The following EXTL3 variants were observed in gnomAD, a reference collection of about 807,000 sequenced individuals.
EXTL3 encodes the protein exostosin like glycosyltransferase 3, also known as exostosin-like 3.
A neutral mutation model predicts 69.3 loss-of-function variants in EXTL3; 27 were observed. The observed-to-expected ratio is 0.39, with a 90% CI of 0.29 to 0.54. The LOEUF (loss-of-function observed/expected upper bound fraction) is 0.54. EXTL3 is among the 20% of genes least tolerant of loss of function. EXTL3 has a pLI of 0.69. For synonymous variants in EXTL3, 511 were observed against 499.4 expected (o/e 1.02, Z -0.31); for missense variants, 1,003 against 1,231.8 (o/e 0.81, Z 2.78).
Position 28,717,276 on chromosome 8 carries a change from C to G in EXTL3, c.1217C>G (p.Pro406Arg). 6.2e-7 allele frequency: 1 copy of G among 1,614,214 alleles called. No homozygotes were observed. Among genetic ancestry groups the G allele is most frequent in the Non-Finnish European group, 8.5e-7 (1 of 1,180,034 alleles). ...TTCACCTGCAAAAACCAGCCCAAACCCAGCCTGCCGACTGAGTGGGCACTG... is the reference window on the plus strand; with the variant it reads ...TTCACCTGCAAAAACCAGCCCAAACGCAGCCTGCCGACTGAGTGGGCACTG... ...VEFTCKNQPK[P>R]SLPTEWALCG... Residue 406 changes from proline to arginine, a missense_variant, in exon 3 of 7, where the codon CCC (proline) becomes CGC (arginine). Transcript: ENST00000220562. The surrounding 1 kb of genome is among the most constrained non-coding windows in gnomAD (Gnocchi z 8.3).
intron 1 of EXTL3, among the ~76,000 whole-genome samples, chr8:28,633,841 A>C (rs923855366): frequency 3.3e-5 from 5 of 152,120 alleles, no homozygotes; most frequent in Non-Finnish European, 5.9e-5. Context: ...CATGTTTACT[A>C]TGTGGCCCTT....
In EXTL3 at chr8:28,751,019, C is replaced by A; in HGVS notation, c.*153C>A. Reference sequence around the variant, plus strand: ...CAGGAGGAGTGGAAGGAAACCGCTGCCTTTATCTTGAAGTCAGCCACACTG... The same window carrying A: ...CAGGAGGAGTGGAAGGAAACCGCTGACTTTATCTTGAAGTCAGCCACACTG... On this transcript the variant is annotated 3_prime_UTR_variant, in exon 7 of 7. Transcript: ENST00000220562. The A allele has an allele frequency of 1.5e-6, 1 of 679,010 alleles. No individual in the cohort carries two copies. The highest frequency in any genetic ancestry group is 2.5e-6 in the Non-Finnish European group (1 of 397,224). 42.1% of individuals were successfully genotyped at this position (679,010 alleles called of 1,614,324 possible).
chr8:28,609,789 T>G (rs992234214), intron 2 of EXTL3, among the ~76,000 whole-genome samples: 2 of 150,082 alleles, frequency 1.3e-5, no homozygotes, highest in Admixed American at 6.7e-5. Context: ...ACTTGGAAGG[T>G]TGAGGTGGGA....
At chr8:28,614,148 G>A (rs1806303127) in intron 2 of EXTL3, among the ~76,000 whole-genome samples, 1 of 151,610 alleles carries the variant, frequency 6.6e-6, no homozygotes, top group Non-Finnish European at 1.5e-5. Context: ...CAATTTTATT[G>A]ATACTTTCAA....
chr8:28,621,930 G>A (rs573860418), upstream of EXTL3, among the ~76,000 whole-genome samples: 10 of 152,112 alleles, frequency 6.6e-5, no homozygotes, highest in Non-Finnish European at 1.5e-4. Flanking sequence ...TTTAAATAGC[G>A]ACTTACTAGT....
At position 28,691,346 on chromosome 8, in the gene EXTL3, G is replaced by A. The variant is rs148523067; in HGVS notation, c.-52-22111G>A. Among the ~76,000 whole-genome samples, 386 of 152,244 alleles carry A rather than the reference G, an allele frequency of 2.5e-3. 1 individual carries two copies. The highest frequency in any genetic ancestry group is 8.5e-3 in the African/African-American group (355 of 41,528). On this transcript the variant is annotated intron_variant, in intron 1 of 6. Transcript: ENST00000523149. The stretch of plus-strand genomic sequence containing the variant: ...GTGGACTGATGAAAACTTCATCCTA[G>A]CTTGGTCAATAAACTGTTATTCAGG...
chr8:28,685,062 C>T (rs991833230), intron 1 of EXTL3, among the ~76,000 whole-genome samples: 96 of 137,462 alleles, frequency 7.0e-4, no homozygotes, highest in Non-Finnish European at 1.1e-4. Context: ...AGCGATTCTC[C>T]TGCCTCAGCC....
intron 1 of EXTL3, among the ~76,000 whole-genome samples, chr8:28,627,391 G>A (rs763977371): frequency 1.3e-5 from 2 of 151,608 alleles, no homozygotes; most frequent in Non-Finnish European, 2.9e-5. Flanking sequence ...ACTAGTTGGG[G>A]CTGAGCTAGG....
At position 28,716,599 on chromosome 8, in the gene EXTL3, C is replaced by T. The variant is rs765913664; in HGVS notation, c.540C>T (p.His180=). The T allele has an allele frequency of 6.2e-7, 1 of 1,614,244 alleles. No individual in the cohort carries two copies. ...PPKATRGCRL[H]NCFDYSRCPL... ...AGGCCACTCGGGGCTGCCGGCTACA[C>T]AACTGCTTTGATTATTCTCGTTGCC... Residue 180 remains histidine, a synonymous_variant, in exon 3 of 7, where the codon CAC becomes CAT. Transcript: ENST00000220562. This position sits in a 1 kb window ranked among gnomAD's most constrained non-coding sequence, Gnocchi z 7.1.
intron 1 of EXTL3, among the ~76,000 whole-genome samples, chr8:28,668,642 T>A (rs1807237114): frequency 6.6e-6 from 1 of 151,826 alleles, no homozygotes; most frequent in African/African-American, 2.4e-5. Flanking sequence ...TAGCCCAGAG[T>A]TGTTAACTAT....
chr8:28,746,643 A>G (rs569840585), intron 6 of EXTL3, among the ~76,000 whole-genome samples: 1 of 152,174 alleles, frequency 6.6e-6, no homozygotes, highest in African/African-American at 2.4e-5. Flanking sequence ...ACAGTTATAT[A>G]TTTACAAATA....
chr8:28,659,139 G>A (rs1402203709), intron 1 of EXTL3, among the ~76,000 whole-genome samples: 2 of 152,198 alleles, frequency 1.3e-5, no homozygotes, highest in Non-Finnish European at 2.9e-5. Context: ...TCCATGGGGT[G>A]CTGTGCCAAT....
At position 28,717,212 on chromosome 8, in the gene EXTL3, G is replaced by A; in HGVS notation, c.1153G>A (p.Ala385Thr). ...YDDRIIATLK[A>T]VQDSKLDQVL... is the part of the protein sequence containing the mutation. ...TGACCGGATCATTGCCACCCTGAAG[G>A]CGGTGCAGGACAGCAAGCTGGATCA... is the stretch of plus-strand genomic sequence containing the variant. The change falls in exon 3 of 7, where the codon GCG becomes ACG. Residue 385 changes from alanine to threonine, a missense_variant. Ala to Thr is a moderately conservative substitution (Grantham distance 58). Coordinates refer to ENST00000220562, the MANE Select transcript of EXTL3 (RefSeq NM_001440.4). The surrounding 1 kb of genome is among the most constrained non-coding windows in gnomAD (Gnocchi z 8.3). 6.2e-7 allele frequency: 1 copy of A among 1,614,216 alleles called. No homozygotes were observed. Among genetic ancestry groups the A allele is most frequent in the East Asian group, 2.2e-5 (1 of 44,876 alleles).
chr8:28,700,790 G>A (rs1800769343), upstream of EXTL3: 1 of 152,304 alleles, frequency 6.6e-6, no homozygotes, highest in African/African-American at 2.4e-5. Context: ...CCCATCCCCT[G>A]TTCCATTATC....
At chr8:28,640,244 G>C (rs1806721695) in intron 1 of EXTL3, among the ~76,000 whole-genome samples, 1 of 152,168 alleles carries the variant, frequency 6.6e-6, no homozygotes, top group Non-Finnish European at 1.5e-5. Flanking sequence ...AAAATGAGAT[G>C]CAATTGTATT....
chr8:28,642,598 A>G (rs1192536163), intron 1 of EXTL3, among the ~76,000 whole-genome samples: 1 of 152,036 alleles, frequency 6.6e-6, no homozygotes, highest in Non-Finnish European at 1.5e-5. Flanking sequence ...AGTCGGGGAG[A>G]CAGAGCAAGA....
chr8:28,630,290 G>C (rs1429432578), intron 1 of EXTL3, among the ~76,000 whole-genome samples: 1 of 152,064 alleles, frequency 6.6e-6, no homozygotes, highest in Non-Finnish European at 1.5e-5. Context: ...TTGCTCCTCT[G>C]CCTTCTGCTG....
chr8:28,715,387 C>G (rs1337060590), intron 2 of EXTL3, among the ~76,000 whole-genome samples, 198 bp from the exon 3 acceptor site: 6 of 152,140 alleles, frequency 3.9e-5, no homozygotes, highest in Non-Finnish European at 8.8e-5. Flanking sequence ...GGGCACTTAT[C>G]CATTTATTAC....
At chr8:28,702,096 T>A (rs973492808) in intron 1 of EXTL3, among the ~76,000 whole-genome samples, 22 of 152,198 alleles carry the variant, frequency 1.4e-4, no homozygotes, top group Non-Finnish European at 2.8e-4. Context: ...CCGGAGCATC[T>A]TCTGTCGGCG....
Sources: allele counts gnomAD v4.1 joint callset (sites outside exome capture counted in the v4.1 genomes callset), GRCh38; gene constraint gnomAD v4.1.1; non-coding constraint Gnocchi (gnomAD v3.1); transcripts MANE v1.5; gene names NCBI Gene and HGNC (gene_info 2026-07-23, HGNC 2026-07-21).